The following POTEF variants were observed in gnomAD, a reference collection of about 807,000 sequenced individuals.
POTEF encodes the protein POTE ankyrin domain family member F.
Under a neutral mutation model 83.2 loss-of-function variants are expected in POTEF, and 20 were observed. The ratio of observed to expected loss-of-function variants is 0.24; its 90% CI spans 0.17 to 0.35. The LOEUF (loss-of-function observed/expected upper bound fraction) is 0.35. POTEF is among the 10% of genes least tolerant of loss of function. POTEF has a pLI of 1.00. For missense variants in POTEF, 550 were observed against 1,203.2 expected, an observed-to-expected ratio of 0.46 and a Z score of 8.03; for synonymous variants, 196 against 446.4, an observed-to-expected ratio of 0.44 and a Z score of 7.07.
intron 7 of POTEF, chr2:130,109,367 G>T (rs577816279): frequency 2.2e-4 from 31 of 143,338 alleles, no homozygotes; most frequent in South Asian, 1.1e-3. Context: ...TTGGCTCTGT[G>T]AAGTCCAACT....
At chr2:130,101,596 A>C (rs1243734860) in intron 9 of POTEF, among the ~76,000 whole-genome samples, 1 of 150,086 alleles carries the variant, frequency 6.7e-6, no homozygotes, top group Non-Finnish European at 1.5e-5. Flanking sequence ...CTGACAATAT[A>C]AAACTGCAGA....
intron 2 of POTEF, among the ~76,000 whole-genome samples, chr2:130,122,096 C>G (rs1685014132): frequency 6.7e-6 from 1 of 148,740 alleles, no homozygotes; most frequent in Non-Finnish European, 1.5e-5. Context: ...GTGTGACTTA[C>G]TACTTTCATT....
intron 3 of POTEF, among the ~76,000 whole-genome samples, chr2:130,117,856 T>G (rs1266409415): frequency 6.6e-6 from 1 of 152,072 alleles, no homozygotes; most frequent in Non-Finnish European, 1.5e-5. Flanking sequence ...GCTGTAGCAA[T>G]TTAAACTTTA....
At chr2:130,090,806 C>T (rs1684104812) in intron 12 of POTEF, among the ~76,000 whole-genome samples, 3 of 93,772 alleles carry the variant, frequency 3.2e-5, no homozygotes, top group African/African-American at 1.1e-4. Flanking sequence ...TTACCATGGA[C>T]GGGTGAAAAC....
At chr2:130,117,316 G>C (rs1354710313) in intron 3 of POTEF, among the ~76,000 whole-genome samples, 1 of 151,914 alleles carries the variant, frequency 6.6e-6, no homozygotes, top group African/African-American at 2.4e-5. Flanking sequence ...GCCAACCACA[G>C]ATAGAAAAAT....
intron 16 of POTEF, among the ~76,000 whole-genome samples, chr2:130,076,546 C>G (rs1470287219): frequency 6.8e-6 from 1 of 146,696 alleles, no homozygotes. Context: ...AAATACTTAT[C>G]AATAAATTAT....
At chr2:130,114,530 G>C (rs1684790658) in intron 5 of POTEF, among the ~76,000 whole-genome samples, 1 of 144,986 alleles carries the variant, frequency 6.9e-6, no homozygotes, top group Admixed American at 6.9e-5. Context: ...AACTTTTCTT[G>C]GAGTTTTCAT....
At chr2:130,091,337 A>AAC (rs1215344259) in intron 12 of POTEF, among the ~76,000 whole-genome samples, 1 of 123,822 alleles carries the variant, frequency 8.1e-6, no homozygotes, top group East Asian at 2.8e-4. Flanking sequence ...CAGCCTCAGA[A>AAC]AGAAATGTTT....
intron 7 of POTEF, among the ~76,000 whole-genome samples, chr2:130,109,951 C>T (rs1197742298): frequency 2.6e-5 from 4 of 151,292 alleles, no homozygotes; most frequent in East Asian, 1.9e-4. Flanking sequence ...CTGTATGAAT[C>T]GCCATGAAGA....
intron 2 of POTEF, among the ~76,000 whole-genome samples, 159 bp downstream of exon 2, chr2:130,127,550 G>A (rs1199076285): frequency 6.6e-6 from 1 of 151,052 alleles, no homozygotes; most frequent in East Asian, 1.9e-4. Context: ...ACCCCAGGTC[G>A]GACTGGGCCC....
chr2:130,120,787 C>G (rs1030643981), intron 2 of POTEF, 179 bp from the exon 3 acceptor site: 4 of 605,506 alleles, frequency 6.6e-6, no homozygotes, highest in Non-Finnish European at 5.7e-6. Flanking sequence ...AAACACCCAG[C>G]CCACCCAAGG....
At position 130,129,179 on chromosome 2, in the gene POTEF, G is replaced by GGTGCTC. The variant is rs1685177551; in HGVS notation, c.-358_-357insGAGCAC. ...CTCAGGCTCCAGCCTCCAGCATGCC[G>GGTGCTC]CTCCCTTCTACTCGTCTTCCTGCCT... On this transcript the variant is annotated 5_prime_UTR_variant, in exon 1 of 17. Transcript: ENST00000409914. The GGTGCTC allele has an allele frequency of 1.1e-5, 1 of 95,090 alleles. No homozygotes were observed. Among genetic ancestry groups the GGTGCTC allele is most frequent in the Non-Finnish European group, 2.2e-5 (1 of 46,238 alleles). 5.9% of individuals were successfully genotyped at this position (95,090 alleles called of 1,614,324 possible).
chr2:130,110,453 T>C lies in POTEF; in HGVS notation c.1055+90A>G, dbSNP rs1046841683. On this transcript the variant is annotated intron_variant, in intron 7 of 16. Coordinates refer to ENST00000409914, the MANE Select transcript of POTEF (RefSeq NM_001099771.2). ...CGCGAAAACTACCTGAACCAAACTA[T>C]GACATCTCACCTGATATGTGAGATG... 96 of 1,568,506 alleles carry C rather than the reference T, an allele frequency of 6.1e-5. 3 individuals are homozygous for C. The African/African-American group carries it at 1.2e-3, about 19-fold the overall frequency.
chr2:130,118,272 G>GT (rs1684893176), intron 3 of POTEF, among the ~76,000 whole-genome samples: 1 of 151,904 alleles, frequency 6.6e-6, no homozygotes, highest in Non-Finnish European at 1.5e-5. Context: ...ATAGAAAACA[G>GT]TATTTCATTC....
At chr2:130,121,641 T>C (rs1274143643) in intron 2 of POTEF, among the ~76,000 whole-genome samples, 1 of 64,102 alleles carries the variant, frequency 1.6e-5, no homozygotes, top group East Asian at 3.6e-4. Flanking sequence ...ATACAGTGTA[T>C]ACTGCACAGG....
chr2:130,127,064 A>G (rs1292708846), intron 2 of POTEF, among the ~76,000 whole-genome samples: 1 of 151,976 alleles, frequency 6.6e-6, no homozygotes, highest in African/African-American at 2.4e-5. Flanking sequence ...GCTCACGCCT[A>G]TAATCCTAGC....
At chr2:130,111,638 C>CAG (rs3064968) in intron 6 of POTEF, among the ~76,000 whole-genome samples, 1 of 151,268 alleles carries the variant, frequency 6.6e-6, no homozygotes, top group East Asian at 1.9e-4. Context: ...ATGTAAGACA[C>CAG]AGGTTAAAAA....
chr2:130,113,263 C>G (rs1433816251), intron 5 of POTEF, among the ~76,000 whole-genome samples: 31 of 113,410 alleles, frequency 2.7e-4, no homozygotes, highest in African/African-American at 1.0e-3. Flanking sequence ...ACCATCTGAG[C>G]TTGGAGAGGT....
At chr2:130,104,487 A>T (rs1206872322) in intron 8 of POTEF, among the ~76,000 whole-genome samples, 1 of 150,306 alleles carries the variant, frequency 6.7e-6, no homozygotes, top group East Asian at 1.9e-4. Context: ...TGTTTAAAGG[A>T]AGAACACAAA....
Sources: gnomAD v4.1 joint callset for allele counts (sites outside exome capture counted in the v4.1 genomes callset) on GRCh38, gnomAD v4.1.1 for gene constraint, MANE v1.5 for transcripts, NCBI Gene and HGNC (gene_info 2026-07-23, HGNC 2026-07-21) for gene names.